The following FOXN3 variants were observed in gnomAD, a reference collection of about 807,000 sequenced individuals.
FOXN3 encodes the protein forkhead box N3.
In FOXN3, 7 loss-of-function variants were observed where a neutral mutation model predicts 38.4. That is an observed-to-expected ratio of 0.18 (90% CI 0.10 to 0.34). FOXN3 has a LOEUF of 0.34. Among genes scored for constraint, FOXN3 ranks in the 10% least tolerant of loss-of-function variants. The pLI, the probability that FOXN3 is intolerant of heterozygous loss-of-function variation, is 1.00. For synonymous variants in FOXN3, 230 were observed against 242.2 expected, an observed-to-expected ratio of 0.95 and a Z score of 0.47; for missense variants, 456 against 613.4, an observed-to-expected ratio of 0.74 and a Z score of 2.71.
At chr14:89,505,922 C>A (rs1893915137) in intron 1 of FOXN3, among the ~76,000 whole-genome samples, 2 of 150,232 alleles carry the variant, frequency 1.3e-5, no homozygotes, top group South Asian at 4.2e-4. Context: ...CTCTGCCCGG[C>A]CGCCCCGTCT....
At chr14:89,443,020 G>A (rs1015880014) in intron 1 of FOXN3, among the ~76,000 whole-genome samples, 1 of 152,210 alleles carries the variant, frequency 6.6e-6, no homozygotes, top group Non-Finnish European at 1.5e-5. Context: ...ATAGCAGAAG[G>A]AAACTTGGGT....
At chr14:89,571,694 G>A (rs147832875) in intron 1 of FOXN3, among the ~76,000 whole-genome samples, 315 of 152,316 alleles carry the variant, frequency 2.1e-3, no homozygotes, top group South Asian at 0.012. Flanking sequence ...ACAAATGAGT[G>A]TGGCTCTGTG....
At position 89,158,605 on chromosome 14, in the gene FOXN3, G is replaced by A. The variant is rs1887030742; in HGVS notation, c.*3809C>T. The A allele has an allele frequency of 6.6e-6, 1 of 152,570 alleles. No homozygotes were observed. The highest frequency in any genetic ancestry group is 1.5e-5 in the Non-Finnish European group (1 of 68,030). 9.5% of individuals were successfully genotyped at this position (152,570 alleles called of 1,614,324 possible). The stretch of plus-strand genomic sequence containing the variant: ...ATTAGGGAGGGGCAGGGAAGTAGGA[G>A]CTTATGGTATATTATAAGGCTGGGA... On this transcript the variant is annotated 3_prime_UTR_variant, in exon 6 of 6. Transcript: ENST00000557258.
intron 3 of FOXN3, among the ~76,000 whole-genome samples, chr14:89,310,635 T>C (rs1333997219): frequency 2.0e-5 from 3 of 152,168 alleles, no homozygotes; most frequent in East Asian, 1.9e-4. Flanking sequence ...CAGACAAGGA[T>C]GAAAAGAGAA....
At chr14:89,560,628 G>C (rs771560411) in intron 1 of FOXN3, among the ~76,000 whole-genome samples, 1 of 152,180 alleles carries the variant, frequency 6.6e-6, no homozygotes, top group Non-Finnish European at 1.5e-5. Context: ...ATGGCCTATC[G>C]TTATAGACCA....
intron 3 of FOXN3, among the ~76,000 whole-genome samples, chr14:89,329,531 A>G (rs933388037): frequency 6.6e-6 from 1 of 152,138 alleles, no homozygotes; most frequent in Non-Finnish European, 1.5e-5. Context: ...CAGACATCCT[A>G]CAAGGCACAG....
chr14:89,364,814 A>C (rs1890089070), intron 2 of FOXN3: 1 of 152,212 alleles, frequency 6.6e-6, no homozygotes, highest in Non-Finnish European at 1.5e-5. Flanking sequence ...TCCATCTGCA[A>C]GGGAACGCAT....
chr14:89,525,003 T>C (rs776493071), intron 1 of FOXN3, among the ~76,000 whole-genome samples: 1 of 152,122 alleles, frequency 6.6e-6, no homozygotes, highest in African/African-American at 2.4e-5. Context: ...CTGAAGAAGT[T>C]ACAGAAGATG....
intron 1 of FOXN3, among the ~76,000 whole-genome samples, chr14:89,554,420 G>A (rs1245609912): frequency 6.6e-6 from 1 of 152,170 alleles, no homozygotes; most frequent in Non-Finnish European, 1.5e-5. Flanking sequence ...ACAGGCAAAA[G>A]CCACCACACA....
At chr14:89,354,236 G>GT (rs1394547257) in intron 2 of FOXN3, among the ~76,000 whole-genome samples, 20 of 147,040 alleles carry the variant, frequency 1.4e-4, no homozygotes, top group East Asian at 8.2e-4. Flanking sequence ...TTTTTTGTTT[G>GT]TTTTTTCTTA....
At chr14:89,293,888 A>G (rs1053297563) in intron 3 of FOXN3, among the ~76,000 whole-genome samples, 2 of 152,088 alleles carry the variant, frequency 1.3e-5, no homozygotes, top group Non-Finnish European at 2.9e-5. Context: ...TGTGCTTGGA[A>G]CCTGGCTGCC....
chr14:89,419,016 G>A (rs915690664), upstream of FOXN3: 15 of 350,248 alleles, frequency 4.3e-5, no homozygotes, highest in Non-Finnish European at 6.9e-5. Context: ...TATTTTCACC[G>A]GCCCCAGTCC....
At position 89,273,542 on chromosome 14, in the gene FOXN3, G is replaced by C. The variant is rs150292517; in HGVS notation, c.745+7408C>G. Among the ~76,000 whole-genome samples the C allele has an allele frequency of 1.8e-3, 280 of 152,318 alleles. 2 individuals carry two copies. The highest frequency in any genetic ancestry group is 6.2e-3 in the African/African-American group (257 of 41,566). On this transcript the variant is annotated intron_variant, in intron 4 of 5. Transcript: ENST00000557258. ...AGGCTGTAGCCACTGGGGAAGAAGGGGGGTAACTGGAGATTGGGCAAATTT... is the reference window on the plus strand; with the variant it reads ...AGGCTGTAGCCACTGGGGAAGAAGGCGGGTAACTGGAGATTGGGCAAATTT...
At chr14:89,190,496 G>A in intron 4 of FOXN3, 1 of 1,486,738 alleles carries the variant, frequency 6.7e-7, no homozygotes, top group Non-Finnish European at 9.3e-7. Flanking sequence ...CGGGGCCGGT[G>A]TGTGTGTGTG....
chr14:89,291,441 G>C (rs867573244), intron 3 of FOXN3: 2 of 610,704 alleles, frequency 3.3e-6, no homozygotes, highest in Middle Eastern at 3.1e-4. Flanking sequence ...CTGTTCATCA[G>C]CTTATCAAAG....
At chr14:89,587,216 G>A in intron 1 of FOXN3, among the ~76,000 whole-genome samples, 1 of 152,206 alleles carries the variant, frequency 6.6e-6, no homozygotes, top group Non-Finnish European at 1.5e-5. Flanking sequence ...GATTAGGTGA[G>A]GCCCACCCAC....
intron 1 of FOXN3, among the ~76,000 whole-genome samples, chr14:89,569,160 G>A (rs996441769): frequency 3.9e-5 from 6 of 151,992 alleles, no homozygotes; most frequent in African/African-American, 7.3e-5. Flanking sequence ...AGCCAAGATC[G>A]CACCACTGCA....
intron 1 of FOXN3, among the ~76,000 whole-genome samples, chr14:89,507,729 T>C (rs1423280665): frequency 1.3e-5 from 2 of 151,692 alleles, no homozygotes; most frequent in African/African-American, 4.8e-5. Context: ...CACTACCTGC[T>C]CATCAATGCT....
intron 1 of FOXN3, among the ~76,000 whole-genome samples, chr14:89,487,461 T>C (rs1893472912): frequency 2.0e-5 from 3 of 152,218 alleles, no homozygotes; most frequent in African/African-American, 4.8e-5. Flanking sequence ...TCTTGGCCCC[T>C]ACCTGATATC....
Sources: allele counts gnomAD v4.1 joint callset (sites outside exome capture counted in the v4.1 genomes callset), GRCh38; gene constraint gnomAD v4.1.1; transcripts MANE v1.5; gene names NCBI Gene and HGNC (gene_info 2026-07-23, HGNC 2026-07-21).